The following SLC16A12 variants were observed in gnomAD, a reference collection of about 807,000 sequenced individuals.
SLC16A12 encodes the protein solute carrier family 16 member 12, also known as monocarboxylate transporter 12.
A neutral mutation model predicts 42.4 loss-of-function variants in SLC16A12; 17 were observed. The ratio of observed to expected loss-of-function variants is 0.40; its 90% CI spans 0.27 to 0.60. The LOEUF (loss-of-function observed/expected upper bound fraction) is 0.60. SLC16A12 is among the 20% of genes least tolerant of loss of function. The pLI, the probability that SLC16A12 is intolerant of heterozygous loss-of-function variation, is 0.42. For synonymous variants in SLC16A12, 224 were observed against 229.4 expected, an observed-to-expected ratio of 0.98 and a Z score of 0.21; for missense variants, 544 against 623.0, an observed-to-expected ratio of 0.87 and a Z score of 1.35.
In SLC16A12 at chr10:89,543,141, G is replaced by A. The variant is rs565029669; in HGVS notation, c.-47+12741C>T. On this transcript the variant is annotated intron_variant, in intron 2 of 2. Coordinates refer to the SLC16A12 transcript ENST00000475682. The stretch of plus-strand genomic sequence containing the variant: ...TGCTTAATGGTTAGAGAGAAGGATG[G>A]ACAGATGGATAGTTATATGATAAAG... 3.3e-5 allele frequency among the ~76,000 whole-genome samples: 5 copies of A among 152,330 alleles called. No individual in the cohort carries two copies. The South Asian group carries it at 1.0e-3, about 32-fold the overall frequency.
intron 3 of SLC16A12, among the ~76,000 whole-genome samples, chr10:89,453,576 G>A (rs563791743): frequency 3.9e-5 from 6 of 152,300 alleles, no homozygotes; most frequent in African/African-American, 1.4e-4. Context: ...GTAACATGCT[G>A]TACCGGTTTG....
Position 89,456,517 on chromosome 10 carries a change from C to CT in SLC16A12, c.200+5861dup, listed in dbSNP as rs61376432. On this transcript the variant is annotated intron_variant, in intron 3 of 7. Coordinates refer to ENST00000371790, the MANE Select transcript of SLC16A12 (RefSeq NM_213606.4). Reference sequence around the variant, plus strand: ...CTGCAATTACACATGAAGTATGATTCTTTTTTTTTCATTTTTTAAAATTTT... The same window carrying CT: ...CTGCAATTACACATGAAGTATGATTCTTTTTTTTTTCATTTTTTAAAATTTT... Among the ~76,000 whole-genome samples the CT allele has an allele frequency of 8.4e-3, 1,270 of 150,852 alleles. 19 individuals are homozygous for CT. Among genetic ancestry groups the CT allele is most frequent in the African/African-American group, 0.03 (1,212 of 41,084 alleles).
chr10:89,556,530 T>G (rs1843816936), exon 1 of SLC16A12: 1 of 152,282 alleles, frequency 6.6e-6, no homozygotes, highest in Non-Finnish European at 1.5e-5. Flanking sequence ...TTACCTTTTC[T>G]GCCCTCCTTT....
chr10:89,460,755 A>AAG (rs1487745595), intron 3 of SLC16A12, among the ~76,000 whole-genome samples: 1 of 151,488 alleles, frequency 6.6e-6, no homozygotes, highest in Non-Finnish European at 1.5e-5. Context: ...AAAAAAAAAA[A>AAG]AAAAAAAAAA....
intron 2 of SLC16A12, among the ~76,000 whole-genome samples, chr10:89,489,627 C>CCACCG (rs1421958459): frequency 6.6e-6 from 1 of 152,140 alleles, no homozygotes; most frequent in Non-Finnish European, 1.5e-5. Flanking sequence ...TAGGCATGAG[C>CCACCG]CACCGTGCCA....
chr10:89,474,532 T>C (rs1440668149), intron 2 of SLC16A12, among the ~76,000 whole-genome samples: 1 of 152,212 alleles, frequency 6.6e-6, no homozygotes, highest in Non-Finnish European at 1.5e-5. Flanking sequence ...TTTATCTTCA[T>C]CAGAGAGGTC....
chr10:89,444,679 A>C (rs759254844), intron 3 of SLC16A12, among the ~76,000 whole-genome samples: 1 of 152,226 alleles, frequency 6.6e-6, no homozygotes, highest in Non-Finnish European at 1.5e-5. Flanking sequence ...TGCAGCTCCC[A>C]GCGTGATTGA....
intron 6 of SLC16A12, among the ~76,000 whole-genome samples, chr10:89,436,914 A>AAGAAAGAAAAAG (rs796398100): frequency 0.03 from 4,016 of 135,816 alleles, 81 homozygotes; most frequent in South Asian, 0.042. Flanking sequence ...GAAAGAAAGA[A>AAGAAAGAAAAAG]AAAGAAAGAG....
At position 89,433,331 on chromosome 10, in the gene SLC16A12, A is replaced by G; in HGVS notation, c.1289-5T>C. The G allele has an allele frequency of 1.2e-6, 2 of 1,613,612 alleles. No homozygotes were observed. Among genetic ancestry groups the G allele is most frequent in the South Asian group, 2.2e-5 (2 of 91,056 alleles). On this transcript the variant is annotated splice_polypyrimidine_tract_variant and splice_region_variant and intron_variant, in intron 7 of 7. Transcript: ENST00000371790. The stretch of plus-strand genomic sequence containing the variant: ...CGGTGGTATCTACCAGCCGTCCTGT[A>G]ACAAACAACAGCAAAATTTTATTTT...
At chr10:89,435,763 A>C (rs962430556) in intron 7 of SLC16A12, among the ~76,000 whole-genome samples, 1 of 152,050 alleles carries the variant, frequency 6.6e-6, no homozygotes, top group African/African-American at 2.4e-5. Context: ...CTTATTTATA[A>C]GGCTGAACAA....
chr10:89,476,720 T>C (rs992457861), intron 2 of SLC16A12, among the ~76,000 whole-genome samples: 1 of 152,246 alleles, frequency 6.6e-6, no homozygotes, highest in African/African-American at 2.4e-5. Flanking sequence ...ACTGGGGTCA[T>C]AGAACCCTAA....
chr10:89,489,201 G>C (rs1027973351), intron 2 of SLC16A12, among the ~76,000 whole-genome samples: 1 of 152,108 alleles, frequency 6.6e-6, no homozygotes, highest in African/African-American at 2.4e-5. Context: ...CAATTTGGTC[G>C]TGAATATCAC....
chr10:89,452,607 G>A (rs1842112243), intron 3 of SLC16A12, among the ~76,000 whole-genome samples: 1 of 152,074 alleles, frequency 6.6e-6, no homozygotes, highest in Non-Finnish European at 1.5e-5. Context: ...ATTTTGCACT[G>A]GGCCCTATAA....
At chr10:89,516,082 C>A (rs1463133315) in intron 2 of SLC16A12, among the ~76,000 whole-genome samples, 1 of 152,174 alleles carries the variant, frequency 6.6e-6, no homozygotes, top group African/African-American at 2.4e-5. Context: ...TAAGTCCATA[C>A]AATTTACTCA....
chr10:89,540,545 CCTG>C (rs1843708962), upstream of SLC16A12, among the ~76,000 whole-genome samples: 1 of 152,144 alleles, frequency 6.6e-6, no homozygotes, highest in South Asian at 2.1e-4. Context: ...GTAGCTAATA[CCTG>C]CTGTCAACGG....
At chr10:89,534,095 G>A (rs1391882841) in intron 2 of SLC16A12, among the ~76,000 whole-genome samples, 1 of 152,198 alleles carries the variant, frequency 6.6e-6, no homozygotes, top group East Asian at 1.9e-4. Flanking sequence ...AAGCCTTTCA[G>A]TTTCAAAGTT....
chr10:89,555,282 C>G (rs775646405), intron 2 of SLC16A12, among the ~76,000 whole-genome samples: 13 of 151,406 alleles, frequency 8.6e-5, no homozygotes, highest in Non-Finnish European at 1.9e-4. Flanking sequence ...GTAGCAGGCA[C>G]TACAGGCACG....
chr10:89,486,606 AG>A (rs1470653871), intron 2 of SLC16A12, among the ~76,000 whole-genome samples: 1,356 of 44,756 alleles, frequency 0.03, 50 homozygotes, highest in African/African-American at 0.09. Flanking sequence ...AAAAAAAAAA[AG>A]AAAGAAAGAA....
At chr10:89,433,443 CTT>C in intron 7 of SLC16A12, 117 bp from the exon 8 acceptor site, 1 of 1,087,200 alleles carries the variant, frequency 9.2e-7, no homozygotes. Flanking sequence ...CCAATTGTAA[CTT>C]TGAAACAAAA....
Sources: allele counts gnomAD v4.1 joint callset (sites outside exome capture counted in the v4.1 genomes callset), GRCh38; gene constraint gnomAD v4.1.1; transcripts MANE v1.5; gene names NCBI Gene and HGNC (gene_info 2026-07-23, HGNC 2026-07-21).